The following UNC13A variants were observed in gnomAD, a reference collection of about 807,000 sequenced individuals.
UNC13A encodes unc-13 homolog A, also known as protein unc-13 homolog A.
A neutral mutation model predicts 219.7 loss-of-function variants in UNC13A; 61 were observed. That is an observed-to-expected ratio of 0.28 (90% CI 0.23 to 0.34). The LOEUF (loss-of-function observed/expected upper bound fraction) is 0.34, where lower values mean the gene tolerates loss of function less well. UNC13A is among the 10% of genes least tolerant of loss of function. UNC13A has a pLI of 1.00. For synonymous variants in UNC13A, 920 were observed against 884.6 expected (o/e 1.04, Z -0.71); for missense variants, 1,476 against 2,270.3 (o/e 0.65, Z 7.11).
intron 27 of UNC13A, 86 bp downstream of exon 27, chr19:17,633,022 A>G (rs1465830410): frequency 9.3e-6 from 15 of 1,606,798 alleles, no homozygotes; most frequent in Non-Finnish European, 1.3e-5. Flanking sequence ...TGAGGGTATT[A>G]TAGGGTGCTC....
intron 6 of UNC13A, among the ~76,000 whole-genome samples, chr19:17,667,793 T>C (rs1317384043): frequency 6.7e-6 from 1 of 149,522 alleles, no homozygotes; most frequent in Non-Finnish European, 1.5e-5. Context: ...TTTTTTTTTT[T>C]TTTTTTTAGT....
chr19:17,664,254 T>C (rs990973583), intron 7 of UNC13A, among the ~76,000 whole-genome samples: 2 of 152,158 alleles, frequency 1.3e-5, no homozygotes, highest in African/African-American at 4.8e-5. Context: ...ACACACTAAA[T>C]TGGAAACCCT....
chr19:17,670,868 C>A (rs2079771422), intron 4 of UNC13A, among the ~76,000 whole-genome samples: 1 of 150,804 alleles, frequency 6.6e-6, no homozygotes, highest in South Asian at 2.1e-4. Context: ...TGTGCCATTG[C>A]ACTCCAGCCT....
At chr19:17,619,743 T>G (rs1555777419) in intron 38 of UNC13A, among the ~76,000 whole-genome samples, 1 of 152,120 alleles carries the variant, frequency 6.6e-6, no homozygotes, top group Non-Finnish European at 1.5e-5. Flanking sequence ...GTCTGACCTT[T>G]TAAAGGAAAA....
chr19:17,621,960 G>A (rs1599339898), intron 36 of UNC13A, 90 bp from the exon 37 acceptor site: 2 of 1,334,696 alleles, frequency 1.5e-6, no homozygotes, highest in South Asian at 2.3e-5. Context: ...TGGGGATGGG[G>A]GAATCCACAC....
chr19:17,686,200 T>TC (rs893675580), intron 1 of UNC13A, among the ~76,000 whole-genome samples: 4 of 150,580 alleles, frequency 2.7e-5, no homozygotes, highest in Non-Finnish European at 4.4e-5. Flanking sequence ...CGTCTCTGTT[T>TC]CTGGAAGCCT....
chr19:17,610,527 A>G (rs555192627), intron 42 of UNC13A, among the ~76,000 whole-genome samples: 30 of 152,286 alleles, frequency 2.0e-4, no homozygotes, highest in African/African-American at 6.5e-4. Flanking sequence ...TGTCTGAAAT[A>G]AAGACTACAT....
intron 28 of UNC13A, among the ~76,000 whole-genome samples, chr19:17,631,208 CT>C (rs1568513390): frequency 6.3e-5 from 3 of 47,828 alleles, no homozygotes; most frequent in Non-Finnish European, 1.5e-4. Flanking sequence ...CCCTCCCTTC[CT>C]TCCTTCCTTC....
chr19:17,684,906 A>C (rs1406694007), intron 1 of UNC13A, among the ~76,000 whole-genome samples: 2 of 152,178 alleles, frequency 1.3e-5, no homozygotes, highest in African/African-American at 4.8e-5. Context: ...GGTGGAAAAC[A>C]CACATATTGA....
intron 42 of UNC13A, 28 bp from the exon 43 acceptor site, chr19:17,610,127 G>A: frequency 6.2e-7 from 1 of 1,612,082 alleles, no homozygotes; most frequent in Non-Finnish European, 8.5e-7. Context: ...GGGTAAGACA[G>A]GTCAGGTTCT....
At chr19:17,688,045 G>C in intron 1 of UNC13A, 133 bp downstream of exon 1, 1 of 1,179,352 alleles carries the variant, frequency 8.5e-7, no homozygotes, top group Middle Eastern at 3.0e-4. Context: ...GTCGACAAGG[G>C]CTACCCCTCT....
At chr19:17,655,761 C>G (rs1404481104) in intron 10 of UNC13A, 122 bp downstream of exon 10, 15 of 1,424,012 alleles carry the variant, frequency 1.1e-5, no homozygotes, top group Non-Finnish European at 1.4e-5. Context: ...CTTTAAGAAA[C>G]CCAAGAGCCT....
chr19:17,654,082 C>T (rs553914041), intron 11 of UNC13A, among the ~76,000 whole-genome samples: 1 of 152,244 alleles, frequency 6.6e-6, no homozygotes, highest in East Asian at 1.9e-4. Context: ...CCACCTCGGC[C>T]TCCCAAAGTG....
chr19:17,621,584 T>G (rs746967295), intron 37 of UNC13A, among the ~76,000 whole-genome samples: 12 of 152,092 alleles, frequency 7.9e-5, no homozygotes, highest in Non-Finnish European at 1.2e-4. Context: ...CTGTGGGTAT[T>G]GCTGTGGGAG....
At chr19:17,667,343 G>A (rs1246980801) in intron 6 of UNC13A, among the ~76,000 whole-genome samples, 7 of 152,070 alleles carry the variant, frequency 4.6e-5, no homozygotes, top group Admixed American at 3.9e-4. Context: ...AAAACTACCC[G>A]TTAGGTACTG....
In UNC13A at chr19:17,664,028, A is replaced by AC. The variant is rs1449028052; in HGVS notation, c.524-462_524-461insG. Among the ~76,000 whole-genome samples the AC allele has an allele frequency of 4.2e-3, 642 of 152,138 alleles. 5 individuals are homozygous for AC. The highest frequency in any genetic ancestry group is 0.015 in the African/African-American group (621 of 41,490). On this transcript the variant is annotated intron_variant, in intron 7 of 43. Coordinates refer to ENST00000519716, the MANE Select transcript of UNC13A (RefSeq NM_001080421.3). ...GGAGATGGATCTTGCTATGTTGGTC[A>AC]GGCTGGTCTCAAACACGTGGTCTCA... is the stretch of plus-strand genomic sequence containing the variant.
chr19:17,662,627 A>C (rs1412355485), intron 8 of UNC13A, among the ~76,000 whole-genome samples: 1 of 152,172 alleles, frequency 6.6e-6, no homozygotes, highest in Non-Finnish European at 1.5e-5. Flanking sequence ...AGAAAAACGG[A>C]CATTTAATTA....
At chr19:17,607,796 A>T (rs2076550000) in intron 43 of UNC13A, among the ~76,000 whole-genome samples, 1 of 147,602 alleles carries the variant, frequency 6.8e-6, no homozygotes, top group African/African-American at 2.5e-5. Flanking sequence ...TGAGGCTGAC[A>T]CTCGACCCAA....
intron 16 of UNC13A, 64 bp downstream of exon 16, chr19:17,648,367 C>A: frequency 2.1e-6 from 3 of 1,417,704 alleles, no homozygotes; most frequent in Non-Finnish European, 2.8e-6. Flanking sequence ...AGCCTTTCCC[C>A]GCCATGCAAG....
Sources: allele counts gnomAD v4.1 joint callset (sites outside exome capture counted in the v4.1 genomes callset), GRCh38; gene constraint gnomAD v4.1.1; transcripts MANE v1.5; gene names NCBI Gene and HGNC (gene_info 2026-07-23, HGNC 2026-07-21).